Variants in CHADL observed in about 807,000 individuals in gnomAD.
CHADL encodes the protein chondroadherin like.
CHADL carries 48 observed loss-of-function variants against 52.1 expected under a neutral mutation model. That is an observed-to-expected ratio of 0.92 (90% CI 0.73 to 1.17). The LOEUF is 1.17. Ranked by LOEUF, CHADL falls within the 50% of genes most tolerant of loss-of-function variation. CHADL has a pLI of 0.00. For missense variants in CHADL, 977 were observed against 1,035.1 expected (o/e 0.94, Z 0.77); for synonymous variants, 498 against 511.2 (o/e 0.97, Z 0.35).
In CHADL at chr22:41,238,400, A is replaced by G; in HGVS notation, c.672T>C (p.Pro224=). 1 of 1,509,848 alleles carries G rather than the reference A, an allele frequency of 6.6e-7. No homozygotes were observed. The highest frequency in any genetic ancestry group is 8.8e-7 in the Non-Finnish European group (1 of 1,133,080). 93.5% of individuals were successfully genotyped at this position (1,509,848 alleles called of 1,614,324 possible). The change falls in exon 3 of 6, where the codon CCT becomes CCC. Residue 224 remains proline, a synonymous_variant. Coordinates refer to ENST00000216241, the MANE Select transcript of CHADL (RefSeq NM_138481.2). The surrounding 1 kb of genome is among the most constrained non-coding windows in gnomAD (Gnocchi z 4.9). ...HHNELQALPG[P]VLSQARGLAR... is the part of the protein sequence containing the mutation. ...CCAGGCCGCGGGCCTGGGACAAGACAGGCCCGGGCAGAGCCTGGAGCTCGT... is the reference window on the plus strand; with the variant it reads ...CCAGGCCGCGGGCCTGGGACAAGACGGGCCCGGGCAGAGCCTGGAGCTCGT...
intron 5 of CHADL, chr22:41,230,675 C>A (rs1201711651): frequency 5.5e-6 from 1 of 182,312 alleles, no homozygotes; most frequent in Non-Finnish European, 1.1e-5. Context: ...AAATTAAGTT[C>A]TAGAGCAGCT....
chr22:41,237,105 T>C, intron 3 of CHADL, 71 bp downstream of exon 3: 1 of 1,427,362 alleles, frequency 7.0e-7, no homozygotes. Context: ...AAATGCTTGT[T>C]GAGTGAATGC....
rs1410185970 is a variant in CHADL at position 41,238,586 on chromosome 22, C to A, written c.486G>T (p.Thr162=). ...GTFGALGALA[T]LNLAHNALVY... is the part of the protein sequence containing the mutation. ...CCAGGGCGTTGTGGGCCAGGTTTAGCGTGGCCAGCGCACCCAGTGCCCCGA... is the reference window on the plus strand; with the variant it reads ...CCAGGGCGTTGTGGGCCAGGTTTAGAGTGGCCAGCGCACCCAGTGCCCCGA... The change falls in exon 3 of 6, where the codon ACG becomes ACT. Residue 162 remains threonine (T), a synonymous_variant. Coordinates refer to ENST00000216241, the MANE Select transcript of CHADL (RefSeq NM_138481.2). This position sits in a 1 kb window ranked among gnomAD's most constrained non-coding sequence, Gnocchi z 4.9. 2 of 1,545,656 alleles carry A rather than the reference C, an allele frequency of 1.3e-6. No homozygotes were observed. The highest frequency in any genetic ancestry group is 1.2e-5 in the South Asian group (1 of 84,042).
intron 5 of CHADL, among the ~76,000 whole-genome samples, chr22:41,231,465 C>T (rs2032584705): frequency 7.8e-6 from 1 of 128,634 alleles, no homozygotes; most frequent in Non-Finnish European, 1.8e-5. Context: ...CCATTCTCCC[C>T]AAAGACTGTG....
chr22:41,239,569 CAGA>C lies in CHADL; in HGVS notation c.57_59del (p.Leu22del). 6 of 1,547,624 alleles carry C rather than the reference CAGA, an allele frequency of 3.9e-6. No homozygotes were observed. The highest frequency in any genetic ancestry group is 2.7e-5 in the African/African-American group (2 of 73,012). On this transcript the variant is annotated inframe_deletion, in exon 2 of 6. Coordinates refer to ENST00000216241, the MANE Select transcript of CHADL (RefSeq NM_138481.2). ...CGGCCTGCCTAGCCGGGGCCAGCAG[CAGA>C]AGTACAAGAAGCGGCAGCACCAAGG...
Position 41,237,707 on chromosome 22 carries a change from G to A in CHADL, c.1365C>T (p.His455=), listed in dbSNP as rs2032770843. ...GCTCCGCGATGCCGCAGTGCTGCAG[G>A]TGCAGCGACACCAGGTGGCCCAGGC... The part of the protein sequence containing the change: ...FPGLGHLVSL[H]LQHCGIAELE... Residue 455 remains histidine, a synonymous_variant, in exon 3 of 6, where the codon CAC becomes CAT. Coordinates refer to ENST00000216241, the MANE Select transcript of CHADL (RefSeq NM_138481.2). 4 of 1,541,664 alleles carry A rather than the reference G, an allele frequency of 2.6e-6. No individual in the cohort carries two copies. The highest frequency in any genetic ancestry group is 2.0e-5 in the Admixed American group (1 of 49,870).
chr22:41,239,661 G>A (rs1158420042), intron 1 of CHADL, 41 bp from the exon 2 acceptor site: 6 of 1,456,780 alleles, frequency 4.1e-6, no homozygotes, highest in Middle Eastern at 2.1e-4. Flanking sequence ...CAAGGGCCGA[G>A]GCCACATGCT....
At chr22:41,231,754 C>T (rs1379111247) in intron 5 of CHADL, among the ~76,000 whole-genome samples, 3 of 152,204 alleles carry the variant, frequency 2.0e-5, no homozygotes, top group African/African-American at 7.2e-5. Flanking sequence ...GCAAACCCCT[C>T]ATCCCTGCTT....
intron 2 of CHADL, 123 bp downstream of exon 2, chr22:41,239,320 G>A (rs1381563970): frequency 4.9e-6 from 4 of 816,488 alleles, no homozygotes; most frequent in Non-Finnish European, 3.9e-6. Context: ...TCAAAGAGAA[G>A]TAATTTGCCA....
chr22:41,232,805 C>A (rs1284124660), intron 5 of CHADL, among the ~76,000 whole-genome samples: 1 of 152,096 alleles, frequency 6.6e-6, no homozygotes, highest in Non-Finnish European at 1.5e-5. Flanking sequence ...AACCCAGCTC[C>A]GCTTCTACAT....
Position 41,237,394 on chromosome 22 carries a change from C to T in CHADL, c.1678G>A (p.Val560Met). The T allele has an allele frequency of 6.4e-7, 1 of 1,550,540 alleles. No homozygotes were observed. The highest frequency in any genetic ancestry group is 2.4e-5 in the East Asian group (1 of 40,932). Reference protein sequence around the residue: ...VYLSGNRITEVSLGALGPARE... With the variant: ...VYLSGNRITEMSLGALGPARE... Reference sequence around the variant, plus strand: ...GCTGGGCCCAGCGCCCCAAGGGACACTTCGGTGATGCGGTTTCCACTCAGG... The same window carrying T: ...GCTGGGCCCAGCGCCCCAAGGGACATTTCGGTGATGCGGTTTCCACTCAGG... Residue 560 changes from valine (V) to methionine (M), a missense_variant, in exon 3 of 6, where the codon GTG (valine) becomes ATG (methionine). Transcript: ENST00000216241.
rs1569159747 is a variant in CHADL, at chr22:41,238,381, C to T, written c.691G>A (p.Gly231Ser). Residue 231 changes from glycine to serine, a missense_variant, in exon 3 of 6, where the codon GGC (glycine) becomes AGC (serine). Coordinates refer to ENST00000216241, the MANE Select transcript of CHADL (RefSeq NM_138481.2). The surrounding 1 kb of genome is among the most constrained non-coding windows in gnomAD (Gnocchi z 4.9). Reference protein sequence around the residue: ...LPGPVLSQARGLARLELGHNP... With the variant: ...LPGPVLSQARSLARLELGHNP... ...TGGCCCAGCTCCAGACGGGCCAGGC[C>T]GCGGGCCTGGGACAAGACAGGCCCG... 1 of 1,496,640 alleles carries T rather than the reference C, an allele frequency of 6.7e-7. No homozygotes were observed. 92.7% of individuals were successfully genotyped at this position (1,496,640 alleles called of 1,614,324 possible).
At position 41,238,175 on chromosome 22, in the gene CHADL, C is replaced by T. The variant is rs1354415989; in HGVS notation, c.897G>A (p.Pro299=). ...QLDTLPPLQG[P]GQLRRLRLQG... is the part of the protein sequence containing the mutation. ...GCAGCCGCAGCCGGCGCAGCTGGCC[C>T]GGGCCCTGCAGCGGGGGCAGGGTGT... Residue 299 remains proline (P), a synonymous_variant, in exon 3 of 6, where the codon CCG becomes CCA. Coordinates refer to ENST00000216241, the MANE Select transcript of CHADL (RefSeq NM_138481.2). The surrounding 1 kb of genome is among the most constrained non-coding windows in gnomAD (Gnocchi z 4.9). The T allele has an allele frequency of 4.7e-6, 7 of 1,499,070 alleles. No individual in the cohort carries two copies. The highest frequency in any genetic ancestry group is 6.2e-6 in the Non-Finnish European group (7 of 1,131,822). The allele number at this position is 1,499,070 out of a possible 1,614,324, so 92.9% of individuals were successfully genotyped here.
At chr22:41,230,037 GC>G in intron 5 of CHADL, 1 of 832,572 alleles carries the variant, frequency 1.2e-6, no homozygotes, top group Non-Finnish European at 1.9e-6. Context: ...TGCATCCTAG[GC>G]CCCCATCTGT....
Position 41,237,156 on chromosome 22 carries a change from G to C in CHADL, c.1896+20C>G, listed in dbSNP as rs1277287545. 1 of 1,521,952 alleles carries C rather than the reference G, an allele frequency of 6.6e-7. No individual in the cohort carries two copies. The highest frequency in any genetic ancestry group is 1.2e-5 in the South Asian group (1 of 81,166). 94.3% of individuals were successfully genotyped at this position (1,521,952 alleles called of 1,614,324 possible). On this transcript the variant is annotated intron_variant, in intron 3 of 5. Transcript: ENST00000216241. ...TTGTGCCGCCTCCTGCACCAACCCC[G>C]CCAGATGCCCAGTGCCCACCTGCTC...
Position 41,237,657 on chromosome 22 carries a change from A to G in CHADL, c.1415T>C (p.Leu472Pro), listed in dbSNP as rs1280011017. ...GAGGTACAGGTAGATCAGGCGGCCC[A>G]GCCCGGCCAGGGCGCCCGCTTCCAG... ...AELEAGALAG[L>P]GRLIYLYLSD... Residue 472 changes from leucine (L) to proline (P), a missense_variant, in exon 3 of 6, where the codon CTG becomes CCG. Transcript: ENST00000216241. 1.3e-6 allele frequency: 2 copies of G among 1,544,994 alleles called. No homozygotes were observed. Among genetic ancestry groups the G allele is most frequent in the Non-Finnish European group, 1.7e-6 (2 of 1,143,148 alleles).
rs886455794 is a variant in CHADL at position 41,238,024 on chromosome 22, G to T, written c.1048C>A (p.Leu350Met). ...GGGCAGCGCAGGTCCCAGGGCCGCA[G>T]GGCGTCCAGAGCCTCGCCCCGCAGG... ...RRLRGEALDALRPWDLRCPGD... is the reference protein window; with the variant it reads ...RRLRGEALDAMRPWDLRCPGD... The change falls in exon 3 of 6, where the codon CTG becomes ATG. Residue 350 changes from leucine (L) to methionine (M), a missense_variant. By Grantham distance (15) the Leu-to-Met change is conservative. Coordinates refer to ENST00000216241, the MANE Select transcript of CHADL (RefSeq NM_138481.2). The surrounding 1 kb of genome is among the most constrained non-coding windows in gnomAD (Gnocchi z 4.9). 2 of 1,283,992 alleles carry T rather than the reference G, an allele frequency of 1.6e-6. No homozygotes were observed. The highest frequency in any genetic ancestry group is 2.0e-6 in the Non-Finnish European group (2 of 1,022,026). 79.5% of individuals were successfully genotyped at this position (1,283,992 alleles called of 1,614,324 possible).
chr22:41,238,310 G>A lies in CHADL; in HGVS notation c.762C>T (p.Pro254=). Residue 254 remains proline (P), a synonymous_variant, in exon 3 of 6, where the codon CCC becomes CCT. Transcript: ENST00000216241. The surrounding 1 kb of genome is among the most constrained non-coding windows in gnomAD (Gnocchi z 4.9). Reference sequence around the variant, plus strand: ...CGTCCAGCAGCAGCTCCCGCAGGCCGGGCAGCGCCAGCCCGTCCTCCTCGC... The same window carrying A: ...CGTCCAGCAGCAGCTCCCGCAGGCCAGGCAGCGCCAGCCCGTCCTCCTCGC... The part of the protein sequence containing the change: ...YAGEEDGLAL[P]GLRELLLDGG... 2 of 1,527,414 alleles carry A rather than the reference G, an allele frequency of 1.3e-6. No individual in the cohort carries two copies. The highest frequency in any genetic ancestry group is 1.7e-6 in the Non-Finnish European group (2 of 1,143,404). 94.6% of individuals were successfully genotyped at this position (1,527,414 alleles called of 1,614,324 possible). A position where few individuals can be genotyped will look rare whatever the true frequency, so the allele number is the denominator to read the frequency against.
intron 5 of CHADL, among the ~76,000 whole-genome samples, 187 bp downstream of exon 5, chr22:41,234,958 G>T (rs1034278537): frequency 1.3e-5 from 2 of 152,194 alleles, no homozygotes. Context: ...TGAAGTGCTG[G>T]GATTACAGGC....
Sources: allele counts gnomAD v4.1 joint callset (sites outside exome capture counted in the v4.1 genomes callset), GRCh38; gene constraint gnomAD v4.1.1; non-coding constraint Gnocchi (gnomAD v3.1); transcripts MANE v1.5; gene names NCBI Gene and HGNC (gene_info 2026-07-23, HGNC 2026-07-21).